Variants in TENM3 observed in about 807,000 individuals in gnomAD.
The protein encoded by TENM3 is teneurin-3.
In TENM3, 63 loss-of-function variants were observed where a neutral mutation model predicts 255.1. That is an observed-to-expected ratio of 0.25 (90% CI 0.20 to 0.30). The LOEUF (loss-of-function observed/expected upper bound fraction) is 0.30, where lower values mean the gene tolerates loss of function less well. Ranked by LOEUF, TENM3 falls within the 10% of genes least tolerant of loss-of-function variation. The pLI is 1.00. For synonymous variants in TENM3, 1,306 were observed against 1,322.3 expected (o/e 0.99, Z 0.27); for missense variants, 2,929 against 3,461.1 (o/e 0.85, Z 3.86).
At chr4:181,953,276 CCATCAT>C in the TENM3 span, among the ~76,000 whole-genome samples, 54 of 141,574 alleles carry the variant, frequency 3.8e-4, 1 homozygote, top group East Asian at 3.4e-3. Context: ...ACCACCACCA[CCATCAT>C]CATCATCATC....
At chr4:182,584,093 G>C (rs894425614) in intron 3 of TENM3, among the ~76,000 whole-genome samples, 1 of 152,150 alleles carries the variant, frequency 6.6e-6, no homozygotes, top group African/African-American at 2.4e-5. Context: ...TAAACCCTAA[G>C]CCGCCTTTCT....
the TENM3 span, among the ~76,000 whole-genome samples, chr4:182,136,501 A>C: frequency 6.6e-6 from 1 of 152,218 alleles, no homozygotes; most frequent in Non-Finnish European, 1.5e-5. Flanking sequence ...GGCTGGGTGG[A>C]AGATTTACAT....
At chr4:182,008,218 G>A in the TENM3 span, among the ~76,000 whole-genome samples, 9 of 152,096 alleles carry the variant, frequency 5.9e-5, no homozygotes, top group Admixed American at 3.3e-4. Context: ...TGATCTTCTC[G>A]TGGAGTATCT....
the TENM3 span, among the ~76,000 whole-genome samples, chr4:181,537,339 C>A: frequency 5.9e-5 from 9 of 152,128 alleles, no homozygotes; most frequent in African/African-American, 2.2e-4. Flanking sequence ...AGACATTTTC[C>A]TACCACATAC....
chr4:182,090,408 A>G, the TENM3 span, among the ~76,000 whole-genome samples: 1 of 152,158 alleles, frequency 6.6e-6, no homozygotes, highest in Non-Finnish European at 1.5e-5. Context: ...TGCATTTTTT[A>G]AAATCAATTA....
the TENM3 span, among the ~76,000 whole-genome samples, chr4:181,988,815 T>C: frequency 1.3e-5 from 2 of 151,930 alleles, no homozygotes; most frequent in Non-Finnish European, 2.9e-5. Context: ...GCGCCTTCTC[T>C]TGAGGGACTT....
the TENM3 span, among the ~76,000 whole-genome samples, chr4:181,752,095 A>G: frequency 6.6e-6 from 1 of 152,104 alleles, no homozygotes; most frequent in Non-Finnish European, 1.5e-5. Flanking sequence ...TCACATTCCT[A>G]ATTTCTGTTT....
chr4:181,695,047 T>C, the TENM3 span, among the ~76,000 whole-genome samples: 4 of 152,206 alleles, frequency 2.6e-5, no homozygotes, highest in Non-Finnish European at 4.4e-5. Flanking sequence ...GACTTCAGAA[T>C]GCATGGGAAA....
At chr4:182,078,742 G>T in the TENM3 span, among the ~76,000 whole-genome samples, 2 of 152,114 alleles carry the variant, frequency 1.3e-5, no homozygotes, top group Non-Finnish European at 2.9e-5. Context: ...CTGGGGGTGG[G>T]GAGCAGAGGA....
intron 1 of TENM3, among the ~76,000 whole-genome samples, chr4:182,234,748 GA>G (rs947919165): frequency 2.0e-5 from 3 of 150,540 alleles, no homozygotes; most frequent in African/African-American, 4.9e-5. Context: ...AAAGAAAGAA[GA>G]AAAAAAAATG....
At chr4:182,169,350 C>T (rs1240810346) in intron 1 of TENM3, 3 of 472,006 alleles carry the variant, frequency 6.4e-6, no homozygotes, top group African/African-American at 6.0e-5. Context: ...TACTTTTCAA[C>T]TCTAATGGGA....
chr4:182,387,141 G>A (rs1270091918), intron 3 of TENM3, among the ~76,000 whole-genome samples: 1 of 152,156 alleles, frequency 6.6e-6, no homozygotes, highest in African/African-American at 2.4e-5. Flanking sequence ...AGCTGCTCTG[G>A]TGGGGACGTG....
the TENM3 span, among the ~76,000 whole-genome samples, chr4:181,979,814 A>T: frequency 6.6e-6 from 1 of 152,194 alleles, no homozygotes; most frequent in Admixed American, 6.5e-5. Context: ...CCCAGATTCA[A>T]ACTGAGGTGG....
At chr4:182,681,750 C>CT in intron 10 of TENM3, 64 bp from the exon 11 acceptor site, 1 of 1,179,474 alleles carries the variant, frequency 8.5e-7, no homozygotes, top group African/African-American at 1.5e-5. Context: ...GGATTTAATT[C>CT]TTTTTTCTGC....
At chr4:181,690,650 TAA>T in the TENM3 span, among the ~76,000 whole-genome samples, 92 of 150,894 alleles carry the variant, frequency 6.1e-4, no homozygotes, top group South Asian at 0.011. Flanking sequence ...AGAAAGGAGA[TAA>T]AAAAAAAAAT....
chr4:182,517,616 C>G (rs930120777), intron 3 of TENM3, among the ~76,000 whole-genome samples: 22 of 150,418 alleles, frequency 1.5e-4, no homozygotes, highest in Non-Finnish European at 3.0e-4. Context: ...ATCTCCTGAC[C>G]TCGTGATCCG....
In TENM3 at chr4:182,528,409, T is replaced by C. The variant is rs145229832; in HGVS notation, c.512-72515T>C. Among the ~76,000 whole-genome samples, 5 of 152,304 alleles carry C rather than the reference T, an allele frequency of 3.3e-5. No homozygotes were observed. In the East Asian group the frequency reaches 9.6e-4, roughly 29 times the overall value. On this transcript the variant is annotated intron_variant, in intron 3 of 27. Coordinates refer to ENST00000511685, the MANE Select transcript of TENM3 (RefSeq NM_001080477.4). ...CCAGTGCCTGCTCCTAGAATCAGTT[T>C]AGTAGAGGAAGATATACAAATACTG...
chr4:182,065,790 A>C, the TENM3 span, among the ~76,000 whole-genome samples: 1 of 152,348 alleles, frequency 6.6e-6, no homozygotes, highest in South Asian at 2.1e-4. Context: ...TCTGTGGCTG[A>C]CAGGAGGACC....
chr4:182,659,959 C>T (rs1024425282), intron 6 of TENM3, among the ~76,000 whole-genome samples: 1 of 152,214 alleles, frequency 6.6e-6, no homozygotes, highest in South Asian at 2.1e-4. Flanking sequence ...AACGCCTGTG[C>T]TACTTGGGAC....
Sources: gnomAD v4.1 joint callset for allele counts (sites outside exome capture counted in the v4.1 genomes callset) on GRCh38, gnomAD v4.1.1 for gene constraint, MANE v1.5 for transcripts, NCBI Gene and HGNC (gene_info 2026-07-23, HGNC 2026-07-21) for gene names.